The following ETV5 variants were observed in gnomAD, a reference collection of about 807,000 sequenced individuals.
ETV5 encodes ETS translocation variant 5.
Under a neutral mutation model 70.0 loss-of-function variants are expected in ETV5, and 10 were observed. The ratio of observed to expected loss-of-function variants is 0.14; its 90% CI spans 0.09 to 0.24. The LOEUF (loss-of-function observed/expected upper bound fraction) is 0.24, where lower values mean the gene tolerates loss of function less well. ETV5 is among the 10% of genes least tolerant of loss of function. ETV5 has a pLI of 1.00. For missense variants in ETV5, 453 were observed against 651.2 expected (o/e 0.70, Z 3.31); for synonymous variants, 216 against 242.2 (o/e 0.89, Z 1.01).
intron 5 of ETV5, among the ~76,000 whole-genome samples, chr3:186,089,401 G>A (rs75178640): frequency 6.6e-6 from 1 of 152,278 alleles, no homozygotes; most frequent in Non-Finnish European, 1.5e-5. Flanking sequence ...AATTTAATAG[G>A]TGAAAAATCA....
At position 186,105,162 on chromosome 3, in the gene ETV5, G is replaced by A; in HGVS notation, c.232+143C>T. 1 of 603,012 alleles carries A rather than the reference G, an allele frequency of 1.7e-6. No individual in the cohort carries two copies. Among genetic ancestry groups the A allele is most frequent in the Non-Finnish European group, 2.8e-6 (1 of 351,510 alleles). The allele number at this position is 603,012 out of a possible 1,614,324, so 37.4% of individuals were successfully genotyped here. On this transcript the variant is annotated intron_variant, in intron 5 of 12. Coordinates refer to ENST00000306376, the MANE Select transcript of ETV5 (RefSeq NM_004454.3). The surrounding 1 kb of genome is among the most constrained non-coding windows in gnomAD (Gnocchi z 4.5). ...TTTATTATGAAATAAAAGTTTTCAG[G>A]GTTAATTCTGAATTATTAGAAGAAA...
At chr3:186,098,634 C>CA (rs959537820) in intron 5 of ETV5, among the ~76,000 whole-genome samples, 10 of 151,232 alleles carry the variant, frequency 6.6e-5, no homozygotes, top group African/African-American at 9.7e-5. Flanking sequence ...AAGTACAAGG[C>CA]AAAAAAAACT....
At chr3:186,080,218 T>A in intron 6 of ETV5, 114 bp from the exon 7 acceptor site, 1 of 811,246 alleles carries the variant, frequency 1.2e-6, no homozygotes, top group Non-Finnish European at 1.8e-6. Context: ...ATAACAGCAT[T>A]AACATAGTTA....
rs1712899683 is a variant in ETV5 at position 186,047,163 on chromosome 3, A to G, written c.*1476T>C. The stretch of plus-strand genomic sequence containing the variant: ...ACAGAATTCTACCAGCAGAGCAGGC[A>G]GCAAGGTACCACCAGTAACTTTTCC... On this transcript the variant is annotated 3_prime_UTR_variant, in exon 13 of 13. Coordinates refer to ENST00000306376, the MANE Select transcript of ETV5 (RefSeq NM_004454.3). 1 of 229,550 alleles carries G rather than the reference A, an allele frequency of 4.4e-6. No individual in the cohort carries two copies. Among genetic ancestry groups the G allele is most frequent in the East Asian group, 6.2e-5 (1 of 16,034 alleles). 14.2% of individuals were successfully genotyped at this position (229,550 alleles called of 1,614,324 possible).
intron 7 of ETV5, among the ~76,000 whole-genome samples, chr3:186,074,842 CAGTT>C (rs969340967): frequency 4.4e-4 from 50 of 113,742 alleles, no homozygotes; most frequent in Middle Eastern, 9.8e-3. Flanking sequence ...GCCTGGGCGA[CAGTT>C]AGACTCTGTC....
At chr3:186,079,473 G>C in intron 7 of ETV5, 1 of 280,416 alleles carries the variant, frequency 3.6e-6, no homozygotes, top group Non-Finnish European at 6.6e-6. Context: ...TTAATAGTAG[G>C]CAGCATCCAA....
At chr3:186,064,562 A>C (rs550062542) in intron 8 of ETV5, 86 bp from the exon 9 acceptor site, 19 of 1,352,994 alleles carry the variant, frequency 1.4e-5, no homozygotes, top group Non-Finnish European at 1.8e-5. Flanking sequence ...CTCTGTGGTA[A>C]AGCCCCTAAA....
At chr3:186,086,337 G>A (rs771784512) in intron 5 of ETV5, among the ~76,000 whole-genome samples, 6 of 152,130 alleles carry the variant, frequency 3.9e-5, no homozygotes, top group Non-Finnish European at 8.8e-5. Context: ...ATTAGACTAC[G>A]GAACTCCTTA....
At chr3:186,063,770 C>G (rs1410229770) in intron 9 of ETV5, among the ~76,000 whole-genome samples, 2 of 152,064 alleles carry the variant, frequency 1.3e-5, no homozygotes, top group African/African-American at 2.4e-5. Context: ...TACTCCCTAC[C>G]CCCTGCTAGC....
chr3:186,074,672 G>A (rs2150147484), intron 7 of ETV5, among the ~76,000 whole-genome samples: 1 of 152,130 alleles, frequency 6.6e-6, no homozygotes, highest in African/African-American at 2.4e-5. Context: ...CCAGCACTTT[G>A]GGAGGACGAG....
intron 5 of ETV5, among the ~76,000 whole-genome samples, chr3:186,089,963 G>T (rs543893420): frequency 6.6e-6 from 1 of 152,180 alleles, no homozygotes; most frequent in African/African-American, 2.4e-5. Context: ...TATTTGGGGT[G>T]AAATGTTATA....
intron 7 of ETV5, among the ~76,000 whole-genome samples, chr3:186,067,339 G>A (rs1713474223): frequency 6.6e-6 from 1 of 152,232 alleles, no homozygotes; most frequent in African/African-American, 2.4e-5. Context: ...GGCTGAGGCA[G>A]AAGAATCGCT....
chr3:186,080,499 T>G, intron 6 of ETV5: 2 of 237,176 alleles, frequency 8.4e-6, no homozygotes, highest in Non-Finnish European at 8.2e-6. Context: ...GAATATGTGT[T>G]GAAGGTCTGT....
intron 11 of ETV5, among the ~76,000 whole-genome samples, chr3:186,056,728 G>A (rs1328800286): frequency 6.6e-6 from 1 of 152,202 alleles, no homozygotes; most frequent in Non-Finnish European, 1.5e-5. Context: ...GCCCACAGGG[G>A]CTAAGACCAA....
At chr3:186,106,022 G>C (rs1714579360) in intron 1 of ETV5, 80 bp from the exon 2 acceptor site, 1 of 1,008,036 alleles carries the variant, frequency 9.9e-7, no homozygotes, top group African/African-American at 1.6e-5. Context: ...CTTTTTTTTA[G>C]GGCCTGTGCA....
intron 9 of ETV5, among the ~76,000 whole-genome samples, chr3:186,063,392 T>G (rs1713357397): frequency 6.6e-6 from 1 of 152,246 alleles, no homozygotes; most frequent in South Asian, 2.1e-4. Context: ...ATCTTATTTG[T>G]TCCCAATTAC....
rs1228675123 is a variant in ETV5, at chr3:186,079,846, C to A, written c.621G>T (p.Met207Ile). 1.6e-5 allele frequency: 26 copies of A among 1,608,186 alleles called. No homozygotes were observed. The highest frequency in any genetic ancestry group is 1.4e-5 in the Non-Finnish European group (16 of 1,177,638). Residue 207 changes from methionine (M) to isoleucine (I), a missense_variant, in exon 7 of 13, where the codon ATG (methionine) becomes ATT (isoleucine). By Grantham distance (10) the Met-to-Ile change is conservative. Around this residue, in one of 4 missense-constraint regions of ETV5, gnomAD observed 307 missense variants for 344.9 expected, o/e 0.89. Coordinates refer to ENST00000306376, the MANE Select transcript of ETV5 (RefSeq NM_004454.3). ...PHQPLQMPKM[M>I]PENQYPSEQR... ...GTTCTGATGGATACTGGTTTTCAGG[C>A]ATCATCTTTGGCATCTGCAGGGGCT...
rs1578552686 is a variant in ETV5 at position 186,081,076 on chromosome 3, T to C, written c.332A>G (p.Asn111Ser). 6.2e-7 allele frequency: 1 copy of C among 1,613,412 alleles called. No homozygotes were observed. Among genetic ancestry groups the C allele is most frequent in the East Asian group, 2.2e-5 (1 of 44,834 alleles). Residue 111 changes from asparagine (N) to serine (S), a missense_variant, in exon 6 of 13, where the codon AAC becomes AGC. By Grantham distance (46) the Asn-to-Ser change is conservative. Transcript: ENST00000306376. ...GTTGTAGAGGCACTTTTCTCCATAG[T>C]TAGCACCAAGAGCCTGCTCATGGCT... ...SCSHEQALGA[N>S]YGEKCLYNYC...
intron 7 of ETV5, among the ~76,000 whole-genome samples, chr3:186,071,126 C>T (rs768617298): frequency 2.6e-5 from 4 of 152,070 alleles, no homozygotes; most frequent in Non-Finnish European, 5.9e-5. Flanking sequence ...TTATGAAAAC[C>T]GTTAGATGCT....
Sources: gnomAD v4.1 joint callset for allele counts (sites outside exome capture counted in the v4.1 genomes callset) on GRCh38, gnomAD v4.1.1 for gene constraint, gnomAD v4.1.1 regional missense constraint, Gnocchi (gnomAD v3.1) non-coding constraint, MANE v1.5 for transcripts, NCBI Gene and HGNC (gene_info 2026-07-23, HGNC 2026-07-21) for gene names.